Variants in DGCR2 observed in about 807,000 individuals in gnomAD.
DGCR2 encodes DiGeorge syndrome critical region gene 2, also known as integral membrane protein DGCR2/IDD.
Under a neutral mutation model 51.6 loss-of-function variants are expected in DGCR2, and 24 were observed. The observed-to-expected ratio is 0.47, with a 90% CI of 0.34 to 0.65. The LOEUF (loss-of-function observed/expected upper bound fraction) is 0.65, where lower values mean the gene tolerates loss of function less well. DGCR2 is among the 30% of genes least tolerant of loss of function. The pLI, the probability that DGCR2 is intolerant of heterozygous loss-of-function variation, is 0.01. For missense variants in DGCR2, 765 were observed against 772.1 expected (o/e 0.99, Z 0.11); for synonymous variants, 340 against 315.4 (o/e 1.08, Z -0.82).
intron 5 of DGCR2, among the ~76,000 whole-genome samples, chr22:19,058,287 A>C (rs2082624921): frequency 6.6e-6 from 1 of 152,188 alleles, no homozygotes. Context: ...GCAGGCAGCC[A>C]CAGCAACAGC....
At chr22:19,121,177 C>T (rs2146070615) in intron 1 of DGCR2, among the ~76,000 whole-genome samples, 1 of 152,300 alleles carries the variant, frequency 6.6e-6, no homozygotes, top group South Asian at 2.1e-4. Context: ...CTTCATGGGA[C>T]CTTTCCTCCA....
intron 7 of DGCR2, among the ~76,000 whole-genome samples, chr22:19,042,302 C>T (rs748494779): frequency 3.3e-5 from 5 of 152,174 alleles, no homozygotes; most frequent in Non-Finnish European, 7.4e-5. Flanking sequence ...CTGTGTACCC[C>T]AGGTGTGGCT....
chr22:19,069,229 G>C (rs1311883946), intron 2 of DGCR2, among the ~76,000 whole-genome samples: 1 of 152,228 alleles, frequency 6.6e-6, no homozygotes, highest in Non-Finnish European at 1.5e-5. Context: ...GGCTCCCCAA[G>C]GGAGGTCACA....
intron 7 of DGCR2, among the ~76,000 whole-genome samples, chr22:19,044,884 CTG>C (rs1297289672): frequency 1.3e-5 from 2 of 152,136 alleles, no homozygotes; most frequent in African/African-American, 4.8e-5. Flanking sequence ...GACCTTTGAT[CTG>C]TGTTTTGCAA....
chr22:19,046,046 T>A (rs2082486175), intron 7 of DGCR2: 1 of 152,156 alleles, frequency 6.6e-6, no homozygotes, highest in African/African-American at 2.4e-5. Flanking sequence ...TTTTTAGAAT[T>A]AGCTTGTCAA....
At chr22:19,055,358 C>G (rs1315732662) in intron 6 of DGCR2, among the ~76,000 whole-genome samples, 1 of 152,136 alleles carries the variant, frequency 6.6e-6, no homozygotes, top group Non-Finnish European at 1.5e-5. Flanking sequence ...ATAGGTACTT[C>G]TTTGACTTCA....
At chr22:19,072,925 C>G (rs2082832104) in intron 2 of DGCR2, among the ~76,000 whole-genome samples, 1 of 151,806 alleles carries the variant, frequency 6.6e-6, no homozygotes, top group Non-Finnish European at 1.5e-5. Flanking sequence ...GCAGACAACA[C>G]TATCCATCAT....
At chr22:19,093,159 C>T (rs7285475) in intron 1 of DGCR2, among the ~76,000 whole-genome samples, 21,458 of 151,790 alleles carry the variant, frequency 0.14, 1,943 homozygotes, top group South Asian at 0.28. Context: ...TCGGGAGCTC[C>T]GAACCAGCCT....
intron 2 of DGCR2, among the ~76,000 whole-genome samples, chr22:19,078,425 C>A (rs189337088): frequency 1.3e-5 from 2 of 152,292 alleles, no homozygotes; most frequent in Admixed American, 1.3e-4. Flanking sequence ...TTGTGCCCTG[C>A]AATTTTGCTG....
intron 6 of DGCR2, among the ~76,000 whole-genome samples, chr22:19,054,619 T>C (rs1237656793): frequency 1.3e-5 from 2 of 152,238 alleles, no homozygotes; most frequent in Admixed American, 6.5e-5. Context: ...TAGTCCCAGC[T>C]ACTTGGGAGG....
intron 1 of DGCR2, among the ~76,000 whole-genome samples, chr22:19,097,422 G>A (rs755146625): frequency 2.8e-4 from 42 of 151,944 alleles, no homozygotes; most frequent in Admixed American, 2.5e-3. Flanking sequence ...GGTGTGGTGC[G>A]GGTGCCTGTA....
In DGCR2 at chr22:19,068,319, C is replaced by T. The variant is rs899166874; in HGVS notation, c.203-94G>A. On this transcript the variant is annotated intron_variant, in intron 2 of 9. Transcript: ENST00000263196. ...TTCAGACCACTCAGGGCTGCAAGGCCGGAGGGGGGGCCTGTAGCACAGAGT... is the reference window on the plus strand; with the variant it reads ...TTCAGACCACTCAGGGCTGCAAGGCTGGAGGGGGGGCCTGTAGCACAGAGT... 23 of 1,364,572 alleles carry T rather than the reference C, an allele frequency of 1.7e-5. No homozygotes were observed. Among genetic ancestry groups the T allele is most frequent in the Middle Eastern group, 1.9e-4 (1 of 5,250 alleles). The allele number at this position is 1,364,572 out of a possible 1,614,324, so 84.5% of individuals were successfully genotyped here.
chr22:19,062,775 G>GCTCTCTCTCTCTCTCCTCTCTCTCT (rs1491258740), intron 5 of DGCR2, among the ~76,000 whole-genome samples: 1 of 108,860 alleles, frequency 9.2e-6, no homozygotes, highest in South Asian at 4.0e-4. Context: ...ACACATGCAT[G>GCTCTCTCTCTCTCTCCTCTCTCTCT]CTCACTCTCT....
intron 7 of DGCR2, among the ~76,000 whole-genome samples, chr22:19,043,193 T>C (rs573528738): frequency 3.9e-5 from 6 of 152,340 alleles, no homozygotes; most frequent in African/African-American, 9.6e-5. Flanking sequence ...TCTTCAACCA[T>C]TTCACGCTTT....
intron 1 of DGCR2, among the ~76,000 whole-genome samples, chr22:19,108,858 C>CAA (rs796971188): frequency 7.6e-5 from 7 of 91,894 alleles, no homozygotes; most frequent in Admixed American, 1.1e-4. Context: ...CTCATCTTTA[C>CAA]AAAAAAAAAA....
Position 19,072,702 on chromosome 22 carries a change from G to A in DGCR2, c.203-4477C>T, listed in dbSNP as rs774742174. On this transcript the variant is annotated intron_variant, in intron 2 of 9. Transcript: ENST00000263196. ...ATCCTGGCCAACATGGTGAAACCCC[G>A]TCTCTAATAAAAATGCAAAAAATTA... Among the ~76,000 whole-genome samples the A allele has an allele frequency of 4.6e-5, 7 of 152,004 alleles. No individual in the cohort carries two copies. The East Asian group carries it at 9.7e-4, about 21-fold the overall frequency.
intron 1 of DGCR2, among the ~76,000 whole-genome samples, chr22:19,092,794 GA>G (rs1404694196): frequency 1.3e-5 from 2 of 152,100 alleles, no homozygotes; most frequent in Non-Finnish European, 2.9e-5. Context: ...ACATTGCTGA[GA>G]AAAAACATTT....
chr22:19,061,067 A>G lies in DGCR2; in HGVS notation c.625+2135T>C, dbSNP rs897143529. On this transcript the variant is annotated intron_variant, in intron 5 of 9. Coordinates refer to ENST00000263196, the MANE Select transcript of DGCR2 (RefSeq NM_005137.3). The stretch of plus-strand genomic sequence containing the variant: ...CCATCATTAGCTGATATTCTCAGGT[A>G]CAATATTTTCTTAGGGAAGGGTTCA... 3 of 238,480 alleles carry G rather than the reference A, an allele frequency of 1.3e-5. No individual in the cohort carries two copies. In the Admixed American group the frequency reaches 1.7e-4, roughly 14 times the overall value. The allele number at this position is 238,480 out of a possible 1,614,324, so 14.8% of individuals were successfully genotyped here.
chr22:19,064,519 T>C (rs1010003347), intron 4 of DGCR2, among the ~76,000 whole-genome samples: 3 of 152,036 alleles, frequency 2.0e-5, no homozygotes, highest in Non-Finnish European at 4.4e-5. Flanking sequence ...CACCAAGCAG[T>C]TCTCCCCACA....
Sources: gnomAD v4.1 joint callset for allele counts (sites outside exome capture counted in the v4.1 genomes callset) on GRCh38, gnomAD v4.1.1 for gene constraint, MANE v1.5 for transcripts, NCBI Gene and HGNC (gene_info 2026-07-23, HGNC 2026-07-21) for gene names.